COL4A2: variants seen among roughly 807,000 people sequenced by gnomAD.
COL4A2 encodes collagen type IV alpha 2 chain.
Under a neutral mutation model 200.2 loss-of-function variants are expected in COL4A2, and 99 were observed. The ratio of observed to expected loss-of-function variants is 0.49; its 90% CI spans 0.42 to 0.58. COL4A2 has a LOEUF of 0.58. Ranked by LOEUF, COL4A2 falls within the 20% of genes least tolerant of loss-of-function variation. The pLI, the probability that COL4A2 is intolerant of heterozygous loss-of-function variation, is 0.00. For synonymous variants in COL4A2, 897 were observed against 900.6 expected (o/e 1.00, Z 0.07); for missense variants, 1,950 against 2,314.1 (o/e 0.84, Z 3.23).
intron 20 of COL4A2, among the ~76,000 whole-genome samples, chr13:110,456,137 A>G (rs1297780965): frequency 2.0e-5 from 3 of 152,236 alleles, no homozygotes; most frequent in Non-Finnish European, 4.4e-5. Flanking sequence ...TTGCACCGTC[A>G]TCATCAGGGA....
chr13:110,469,108 C>T, intron 27 of COL4A2, 109 bp from the exon 28 acceptor site: 2 of 1,261,038 alleles, frequency 1.6e-6, no homozygotes, highest in Non-Finnish European at 2.2e-6. Context: ...CCCCCAGCCT[C>T]ATCATTTCCC....
Position 110,503,891 on chromosome 13 carries a change from C to T in COL4A2, c.4183C>T (p.Gln1395Ter). ...VGAPGIAGIPQKIAVQPGTVG... is the reference protein window; with the variant it reads ...VGAPGIAGIP Reference sequence around the variant, plus strand: ...AGCCCCCGGGATTGCAGGAATCCCCCAGAAGATTGCCGTCCAACCAGGGAC... The same window carrying T: ...AGCCCCCGGGATTGCAGGAATCCCCTAGAAGATTGCCGTCCAACCAGGGAC... Residue 1395 changes from glutamine to a stop codon, truncating the protein, a stop_gained, in exon 44 of 48, where the codon CAG becomes TAG. Transcript: ENST00000360467. LOFTEE classifies it high-confidence loss of function. 6.2e-7 allele frequency: 1 copy of T among 1,613,616 alleles called. No individual in the cohort carries two copies. The highest frequency in any genetic ancestry group is 8.5e-7 in the Non-Finnish European group (1 of 1,179,668).
At position 110,409,617 on chromosome 13, in the gene COL4A2, G is replaced by A. The variant is rs539245844; in HGVS notation, c.181-15117G>A. Among the ~76,000 whole-genome samples the A allele has an allele frequency of 1.3e-4, 20 of 152,304 alleles. No homozygotes were observed. In the South Asian group the frequency reaches 2.9e-3, roughly 22 times the overall value. On this transcript the variant is annotated intron_variant, in intron 4 of 47. Transcript: ENST00000360467. ...AACCAGTGTTCTGGAGGCTGTTTTCGCCCATGTCATGAGAACAGGGCGCCA... is the reference window on the plus strand; with the variant it reads ...AACCAGTGTTCTGGAGGCTGTTTTCACCCATGTCATGAGAACAGGGCGCCA...
At chr13:110,324,547 G>C (rs1359609739) in intron 3 of COL4A2, among the ~76,000 whole-genome samples, 1 of 152,248 alleles carries the variant, frequency 6.6e-6, no homozygotes, top group Non-Finnish European at 1.5e-5. Context: ...GGTCAGAAGA[G>C]ATGGGCCGGA....
intron 4 of COL4A2, among the ~76,000 whole-genome samples, chr13:110,360,120 G>T (rs1877451322): frequency 6.6e-6 from 1 of 152,218 alleles, no homozygotes; most frequent in Non-Finnish European, 1.5e-5. Context: ...CCTGACTGCA[G>T]ACTCTCCACC....
intron 30 of COL4A2, 64 bp from the exon 31 acceptor site, chr13:110,480,156 C>T: frequency 1.4e-6 from 2 of 1,476,676 alleles, no homozygotes; most frequent in Non-Finnish European, 1.8e-6. Context: ...GCCGTAAAAG[C>T]AGAAGAGAAA....
intron 3 of COL4A2, among the ~76,000 whole-genome samples, chr13:110,329,037 C>A (rs186692007): frequency 3.3e-5 from 5 of 151,914 alleles, no homozygotes; most frequent in Admixed American, 1.3e-4. Flanking sequence ...TGTATTCTGG[C>A]GAAAAATAAA....
intron 4 of COL4A2, among the ~76,000 whole-genome samples, chr13:110,361,733 T>G (rs908502558): frequency 2.0e-5 from 3 of 152,146 alleles, no homozygotes; most frequent in African/African-American, 7.2e-5. Context: ...GAGAATTGCT[T>G]CACCCAGACA....
intron 31 of COL4A2, among the ~76,000 whole-genome samples, chr13:110,480,947 CTGTTCTGTCCCTCCGTTGCTGG>C (rs1882881327): frequency 6.7e-6 from 1 of 149,022 alleles, no homozygotes; most frequent in Non-Finnish European, 1.5e-5. Context: ...TGGAGACACA[CTGTTCTGTCCCTCCGTTGCTGG>C]AGACACACAG....
intron 3 of COL4A2, among the ~76,000 whole-genome samples, chr13:110,329,141 GAGA>G (rs1324550762): frequency 6.6e-6 from 1 of 152,170 alleles, no homozygotes; most frequent in African/African-American, 2.4e-5. Context: ...GAAGTAAATG[GAGA>G]AGTTTAGACC....
intron 3 of COL4A2, among the ~76,000 whole-genome samples, chr13:110,350,516 A>G (rs1053582023): frequency 2.6e-5 from 4 of 152,246 alleles, no homozygotes; most frequent in Non-Finnish European, 4.4e-5. Flanking sequence ...TCCAAGGGCC[A>G]TCACTTTTCT....
intron 38 of COL4A2, among the ~76,000 whole-genome samples, 199 bp downstream of exon 38, chr13:110,492,376 G>A (rs1883313781): frequency 1.3e-5 from 2 of 152,194 alleles, no homozygotes; most frequent in Non-Finnish European, 2.9e-5. Flanking sequence ...TGGGAATCAA[G>A]CCAGATGCAC....
chr13:110,464,723 G>A (rs1882164312), intron 24 of COL4A2, among the ~76,000 whole-genome samples: 1 of 152,170 alleles, frequency 6.6e-6, no homozygotes, highest in African/African-American at 2.4e-5. Flanking sequence ...TGGCTCAGCA[G>A]ATGAGCGGGA....
rs406174 is a variant in COL4A2, at chr13:110,503,016, G to A, written c.3878-105G>A. The A allele has an allele frequency of 0.99, 1,021,283 of 1,034,966 alleles. 504,900 individuals carry two copies. Among genetic ancestry groups the A allele is most frequent in the East Asian group, 1 (41,106 of 41,106 alleles). The allele number at this position is 1,034,966 out of a possible 1,614,324, so 64.1% of individuals were successfully genotyped here. A position where few individuals can be genotyped will look rare whatever the true frequency, so the allele number is the denominator to read the frequency against. On this transcript the variant is annotated intron_variant, in intron 41 of 47. Coordinates refer to ENST00000360467, the MANE Select transcript of COL4A2 (RefSeq NM_001846.4). ...ATAGACAAAGTCATTCCATGCCACAGACTTGCCAGAGACTGTCGCCTGAAT... is the reference window on the plus strand; with the variant it reads ...ATAGACAAAGTCATTCCATGCCACAAACTTGCCAGAGACTGTCGCCTGAAT...
In COL4A2 at chr13:110,430,389, C is replaced by A. The variant is rs1880631279; in HGVS notation, c.550-12C>A. 4.4e-6 allele frequency: 7 copies of A among 1,607,506 alleles called. No individual in the cohort carries two copies. The highest frequency in any genetic ancestry group is 2.5e-6 in the Non-Finnish European group (3 of 1,178,472). ...AAAGCTATCACTCTTAAAATTATTT[C>A]TTCTCCATTAGGGTGAACCTGGAGA... On this transcript the variant is annotated splice_polypyrimidine_tract_variant and intron_variant, in intron 8 of 47. Transcript: ENST00000360467.
intron 4 of COL4A2, among the ~76,000 whole-genome samples, chr13:110,371,331 A>G (rs979185327): frequency 6.6e-6 from 1 of 152,174 alleles, no homozygotes; most frequent in African/African-American, 2.4e-5. Context: ...TGTGCGTTGT[A>G]TGTGTGTGTG....
chr13:110,318,985 T>G (rs1483178706), intron 3 of COL4A2, among the ~76,000 whole-genome samples: 1 of 152,158 alleles, frequency 6.6e-6, no homozygotes, highest in Non-Finnish European at 1.5e-5. Context: ...AAATTGTCCC[T>G]TTGCCCATTC....
intron 3 of COL4A2, among the ~76,000 whole-genome samples, chr13:110,317,889 G>A (rs190817810): frequency 5.9e-5 from 9 of 152,290 alleles, no homozygotes; most frequent in South Asian, 4.1e-4. Flanking sequence ...TATCTTAGAC[G>A]TACAGGAAAC....
chr13:110,476,753 T>C (rs1203268659), intron 29 of COL4A2, among the ~76,000 whole-genome samples: 3 of 152,148 alleles, frequency 2.0e-5, no homozygotes, highest in Non-Finnish European at 4.4e-5. Flanking sequence ...TGCCTGAATA[T>C]AAGGAGGTCC....
Sources: allele counts gnomAD v4.1 joint callset (sites outside exome capture counted in the v4.1 genomes callset), GRCh38; gene constraint gnomAD v4.1.1; transcripts MANE v1.5; gene names NCBI Gene and HGNC (gene_info 2026-07-23, HGNC 2026-07-21).